The following OR56A3 variants were observed in gnomAD, a reference collection of about 807,000 sequenced individuals.
The protein encoded by OR56A3 is olfactory receptor 56A3.
OR56A3 carries 23 observed loss-of-function variants against 17.5 expected under a neutral mutation model. The ratio of observed to expected loss-of-function variants is 1.32; its 90% CI spans 0.95 to 1.87. The LOEUF is 1.87. Among genes scored for constraint, OR56A3 ranks in the 40% most tolerant of loss-of-function variants. The pLI, the probability that OR56A3 is intolerant of heterozygous loss-of-function variation, is 0.00. For synonymous variants in OR56A3, 175 were observed against 150.6 expected (o/e 1.16, Z -1.19); for missense variants, 366 against 380.1 (o/e 0.96, Z 0.31).
At chr11:6,010,857 G>C in the OR56A3 span, among the ~76,000 whole-genome samples, 13 of 151,572 alleles carry the variant, frequency 8.6e-5, no homozygotes, top group Admixed American at 7.2e-4. Flanking sequence ...GTGTGCACGT[G>C]AATGTGTGAG....
At chr11:5,975,461 G>C in the OR56A3 span, among the ~76,000 whole-genome samples, 9 of 148,588 alleles carry the variant, frequency 6.1e-5, no homozygotes, top group Non-Finnish European at 1.2e-4. Flanking sequence ...TGCAGTGTTT[G>C]GTTTTTTGTC....
At chr11:5,985,450 T>G in the OR56A3 span, among the ~76,000 whole-genome samples, 1 of 152,236 alleles carries the variant, frequency 6.6e-6, no homozygotes, top group Non-Finnish European at 1.5e-5. Flanking sequence ...CAATAAATGC[T>G]GTTTTCTTAC....
the OR56A3 span, among the ~76,000 whole-genome samples, chr11:6,014,454 C>G: frequency 1.3e-5 from 2 of 152,326 alleles, no homozygotes; most frequent in East Asian, 3.9e-4. Flanking sequence ...CTTTCTTGGT[C>G]ATGCTCCTTC....
chr11:5,969,208 C>T, the OR56A3 span, among the ~76,000 whole-genome samples: 8 of 152,212 alleles, frequency 5.3e-5, no homozygotes, highest in African/African-American at 1.9e-4. Flanking sequence ...AAAGGTTATG[C>T]TGTTTTCATT....
the OR56A3 span, chr11:5,994,520 T>C: frequency 1.1e-5 from 10 of 909,086 alleles, no homozygotes; most frequent in Non-Finnish European, 1.6e-5. Context: ...CTTTTCATGG[T>C]TCTTCATGAA....
At chr11:6,015,016 T>G in the OR56A3 span, among the ~76,000 whole-genome samples, 9 of 29,068 alleles carry the variant, frequency 3.1e-4, no homozygotes, top group East Asian at 2.6e-3. Flanking sequence ...AAAAAAAAAA[T>G]GACCTGAAAC....
At chr11:5,957,265 T>C in the OR56A3 span, among the ~76,000 whole-genome samples, 1 of 152,224 alleles carries the variant, frequency 6.6e-6, no homozygotes. Flanking sequence ...ATCAAATATT[T>C]AGGAGTCTAT....
At position 5,948,697 on chromosome 11, in the gene OR56A3, ACATTGGAGAAAAAAACAC is replaced by A. The variant is rs1193921697; in HGVS notation, c.*404_*421del. 1.2e-5 allele frequency: 2 copies of A among 169,866 alleles called. No homozygotes were observed. Among genetic ancestry groups the A allele is most frequent in the Non-Finnish European group, 2.6e-5 (2 of 78,048 alleles). The allele number at this position is 169,866 out of a possible 1,614,324, so 10.5% of individuals were successfully genotyped here. A position where few individuals can be genotyped will look rare whatever the true frequency, so the allele number is the denominator to read the frequency against. Reference sequence around the variant, plus strand: ...TATTCTTATTTTCAGAAAAGGGAATACATTGGAGAAAAAAACACAGTAGTTGAAATTTCAGTCCTCAGT... The same window carrying A: ...TATTCTTATTTTCAGAAAAGGGAATAAGTAGTTGAAATTTCAGTCCTCAGT... On this transcript the variant is annotated 3_prime_UTR_variant, in exon 3 of 3. Coordinates refer to ENST00000641160, the MANE Select transcript of OR56A3 (RefSeq NM_001003443.3).
downstream of OR56A3, among the ~76,000 whole-genome samples, chr11:5,953,580 A>G (rs144932265): frequency 4.6e-3 from 702 of 152,300 alleles, 5 homozygotes; most frequent in Middle Eastern, 0.014. Flanking sequence ...AGATCAGTAG[A>G]TCTGGCTGCA....
At chr11:5,974,140 C>T in the OR56A3 span, among the ~76,000 whole-genome samples, 2 of 150,828 alleles carry the variant, frequency 1.3e-5, no homozygotes, top group Non-Finnish European at 2.9e-5. Flanking sequence ...GGAGTCTTGC[C>T]GTGTCACCCA....
the OR56A3 span, among the ~76,000 whole-genome samples, chr11:5,961,523 CT>C: frequency 6.6e-6 from 1 of 152,094 alleles, no homozygotes; most frequent in African/African-American, 2.4e-5. Flanking sequence ...GCAAGATGTG[CT>C]TTGTTAAACA....
chr11:5,948,414 T>A lies in OR56A3; in HGVS notation c.*120T>A, dbSNP rs1847888243. On this transcript the variant is annotated 3_prime_UTR_variant, in exon 3 of 3. Coordinates refer to ENST00000641160, the MANE Select transcript of OR56A3 (RefSeq NM_001003443.3). Reference sequence around the variant, plus strand: ...CTCAAACTGGGTACACTAGATATTGTGTGTGCTTTTCAAAAACATCGGTTT... The same window carrying A: ...CTCAAACTGGGTACACTAGATATTGAGTGTGCTTTTCAAAAACATCGGTTT... The A allele has an allele frequency of 6.2e-6, 4 of 648,222 alleles. No homozygotes were observed. Among genetic ancestry groups the A allele is most frequent in the Non-Finnish European group, 1.1e-5 (4 of 378,604 alleles). The allele number at this position is 648,222 out of a possible 1,614,324, so 40.2% of individuals were successfully genotyped here.
At chr11:5,953,946 A>C (rs924029289), downstream of OR56A3, among the ~76,000 whole-genome samples, 6 of 152,158 alleles carry the variant, frequency 3.9e-5, no homozygotes, top group Non-Finnish European at 8.8e-5. Flanking sequence ...TGTAATAAGC[A>C]CTATATCAAA....
At chr11:5,988,557 G>A in the OR56A3 span, among the ~76,000 whole-genome samples, 1 of 152,132 alleles carries the variant, frequency 6.6e-6, no homozygotes, top group African/African-American at 2.4e-5. Flanking sequence ...AGTAATATAT[G>A]TAAAGTCTTG....
chr11:6,005,895 A>G, the OR56A3 span, among the ~76,000 whole-genome samples: 14 of 152,208 alleles, frequency 9.2e-5, no homozygotes, highest in African/African-American at 2.9e-4. Flanking sequence ...GGATTTCAAC[A>G]TATGAATTTT....
chr11:5,956,692 A>G, the OR56A3 span, among the ~76,000 whole-genome samples: 2 of 152,152 alleles, frequency 1.3e-5, no homozygotes, highest in African/African-American at 2.4e-5. Context: ...AAAATTTCAC[A>G]ATCACAGTAT....
chr11:5,946,946 G>C (rs897633490), intron 2 of OR56A3, among the ~76,000 whole-genome samples: 1 of 152,144 alleles, frequency 6.6e-6, no homozygotes, highest in African/African-American at 2.4e-5. Flanking sequence ...GATATGGTAG[G>C]CTATGTGTAC....
At chr11:5,999,901 T>G in the OR56A3 span, 1 of 152,108 alleles carries the variant, frequency 6.6e-6, no homozygotes, top group South Asian at 2.1e-4. Flanking sequence ...GTCGGGAGGA[T>G]CAGGGAAGGA....
chr11:6,000,965 T>C, the OR56A3 span: 1 of 152,234 alleles, frequency 6.6e-6, no homozygotes, highest in African/African-American at 2.4e-5. Flanking sequence ...GTTGGGACAG[T>C]TGTCAAACAA....
Sources: allele counts gnomAD v4.1 joint callset (sites outside exome capture counted in the v4.1 genomes callset), GRCh38; gene constraint gnomAD v4.1.1; transcripts MANE v1.5; gene names NCBI Gene and HGNC (gene_info 2026-07-23, HGNC 2026-07-21).